The following USP12 variants were observed in gnomAD, a reference collection of about 807,000 sequenced individuals.
The protein encoded by USP12 is ubiquitin specific peptidase 12.
In USP12, 19 loss-of-function variants were observed where a neutral mutation model predicts 45.5. The observed-to-expected ratio is 0.42, with a 90% confidence interval of 0.29 to 0.61. The LOEUF (loss-of-function observed/expected upper bound fraction) is 0.61. Among genes scored for constraint, USP12 ranks in the 20% least tolerant of loss-of-function variants. The pLI, the probability that USP12 is intolerant of heterozygous loss-of-function variation, is 0.22. For synonymous variants in USP12, 149 were observed against 148.8 expected (o/e 1.00, Z -0.01); for missense variants, 242 against 447.7 (o/e 0.54, Z 4.15).
chr13:27,089,862 TC>T lies in USP12; in HGVS notation c.734+20del. The T allele has an allele frequency of 6.2e-7, 1 of 1,603,718 alleles. No individual in the cohort carries two copies. The stretch of plus-strand genomic sequence containing the variant: ...TACAAAAAATAAAATCACTTAAAAA[TC>T]CATAAAGCTCTAAAATTACCGTTTG... On this transcript the variant is annotated intron_variant, in intron 6 of 8. Coordinates refer to ENST00000282344, the MANE Select transcript of USP12 (RefSeq NM_182488.4).
intron 3 of USP12, among the ~76,000 whole-genome samples, chr13:27,099,501 A>T (rs1235399718): frequency 2.0e-5 from 3 of 152,100 alleles, no homozygotes; most frequent in Admixed American, 2.0e-4. Context: ...CATTTCCTGC[A>T]TGTCTAGTCT....
intron 1 of USP12, among the ~76,000 whole-genome samples, chr13:27,131,892 C>T (rs1027297022): frequency 3.9e-5 from 6 of 152,234 alleles, no homozygotes; most frequent in Middle Eastern, 3.4e-3. Context: ...GTCAACAGCT[C>T]TTAATTCTGT....
In USP12 at chr13:27,068,012, T is replaced by C. The variant is rs902764516; in HGVS notation, c.*1271A>G. On this transcript the variant is annotated 3_prime_UTR_variant, in exon 9 of 9. Coordinates refer to ENST00000282344, the MANE Select transcript of USP12 (RefSeq NM_182488.4). ...ACCCTTCCAGTAAGATTTGTAAAGG[T>C]GGGGGGAAGGGAAGGAAGGACTTGT... 6.6e-6 allele frequency: 1 copy of C among 152,032 alleles called. No homozygotes were observed. Among genetic ancestry groups the C allele is most frequent in the Admixed American group, 6.6e-5 (1 of 15,258 alleles). The allele number at this position is 152,032 out of a possible 1,614,324, so 9.4% of individuals were successfully genotyped here. A position where few individuals can be genotyped will look rare whatever the true frequency, so the allele number is the denominator to read the frequency against.
At chr13:27,078,847 T>C (rs781366483) in intron 6 of USP12, among the ~76,000 whole-genome samples, 11 of 152,060 alleles carry the variant, frequency 7.2e-5, no homozygotes, top group Admixed American at 7.2e-4. Flanking sequence ...ACCCTAACTA[T>C]GGACTTAATT....
At chr13:27,149,346 C>G (rs1877463349) in intron 1 of USP12, among the ~76,000 whole-genome samples, 2 of 152,118 alleles carry the variant, frequency 1.3e-5, no homozygotes, top group South Asian at 4.1e-4. Context: ...AAGAAAATTC[C>G]CTCTTGTTAA....
At chr13:27,121,003 T>C (rs1470201937) in intron 1 of USP12, among the ~76,000 whole-genome samples, 3 of 152,102 alleles carry the variant, frequency 2.0e-5, no homozygotes, top group African/African-American at 7.2e-5. Context: ...TTAAATTCTC[T>C]TCTAACAGCT....
At chr13:27,135,331 C>G (rs764526664) in intron 1 of USP12, among the ~76,000 whole-genome samples, 7 of 152,230 alleles carry the variant, frequency 4.6e-5, no homozygotes, top group Non-Finnish European at 8.8e-5. Context: ...TCTCAAATCT[C>G]TATCGTAACA....
intron 2 of USP12, among the ~76,000 whole-genome samples, chr13:27,112,716 T>C (rs2484116): frequency 0.096 from 14,609 of 152,196 alleles, 1,156 homozygotes; most frequent in African/African-American, 0.22. Flanking sequence ...CATCAACCCT[T>C]TGACATCATG....
intron 1 of USP12, among the ~76,000 whole-genome samples, chr13:27,162,247 G>A (rs953305060): frequency 2.6e-5 from 4 of 152,100 alleles, no homozygotes; most frequent in African/African-American, 7.2e-5. Context: ...CCAGTTAAAC[G>A]GCCTACCCAA....
At chr13:27,132,078 G>A (rs766850603) in intron 1 of USP12, among the ~76,000 whole-genome samples, 15 of 152,030 alleles carry the variant, frequency 9.9e-5, no homozygotes, top group African/African-American at 2.2e-4. Context: ...TAAGAAATCC[G>A]GGCTATGAAA....
In USP12 at chr13:27,129,893, G is replaced by A. The variant is rs1876414388; in HGVS notation, c.49-13297C>T. On this transcript the variant is annotated intron_variant, in intron 1 of 8. Transcript: ENST00000282344. The surrounding 1 kb of genome is among the most constrained non-coding windows in gnomAD (Gnocchi z 4.0). ...GCACGGTCACATCCAAAACATACGA[G>A]TGGAGTGACCAACATGAAAAATGGC... Among the ~76,000 whole-genome samples the A allele has an allele frequency of 6.6e-6, 1 of 152,180 alleles. No individual in the cohort carries two copies.
rs142158131 is a variant in USP12, at chr13:27,100,623, G to A, written c.344-4793C>T. Among the ~76,000 whole-genome samples the A allele has an allele frequency of 2.2e-3, 336 of 152,066 alleles. 1 individual carries two copies. The highest frequency in any genetic ancestry group is 7.6e-3 in the African/African-American group (314 of 41,466). Reference sequence around the variant, plus strand: ...CCTGACGTGCATGCACCTCAATCCCGTACAATTCAAGAACCTTTATCTCTC... The same window carrying A: ...CCTGACGTGCATGCACCTCAATCCCATACAATTCAAGAACCTTTATCTCTC... On this transcript the variant is annotated intron_variant, in intron 3 of 8. Transcript: ENST00000282344.
At chr13:27,106,277 T>C (rs1414153824) in intron 2 of USP12, among the ~76,000 whole-genome samples, 1 of 152,082 alleles carries the variant, frequency 6.6e-6, no homozygotes, top group Non-Finnish European at 1.5e-5. Context: ...ACAGTATTCA[T>C]GATGTATTGG....
chr13:27,125,050 T>C (rs1876161915), intron 1 of USP12, among the ~76,000 whole-genome samples: 1 of 152,192 alleles, frequency 6.6e-6, no homozygotes, highest in South Asian at 2.1e-4. Context: ...GTGACACCCA[T>C]TAGTGAGTGG....
rs1411746179 is a variant in USP12, at chr13:27,101,541, G to A, written c.343+4190C>T. On this transcript the variant is annotated intron_variant, in intron 3 of 8. Coordinates refer to ENST00000282344, the MANE Select transcript of USP12 (RefSeq NM_182488.4). Reference sequence around the variant, plus strand: ...AATACAATGGTGAGCAAAAACAAATGGGTTCCCTCCGTCATGGAACTGACA... The same window carrying A: ...AATACAATGGTGAGCAAAAACAAATAGGTTCCCTCCGTCATGGAACTGACA... Among the ~76,000 whole-genome samples the A allele has an allele frequency of 6.6e-5, 10 of 152,216 alleles. No individual in the cohort carries two copies. The East Asian group carries it at 1.9e-3, about 29-fold the overall frequency.
At chr13:27,141,546 A>T (rs1301902049) in intron 1 of USP12, among the ~76,000 whole-genome samples, 1 of 152,192 alleles carries the variant, frequency 6.6e-6, no homozygotes, top group Non-Finnish European at 1.5e-5. Flanking sequence ...AAGAATGATA[A>T]AAACATGACA....
In USP12 at chr13:27,159,181, G is replaced by A. The variant is rs921272575; in HGVS notation, c.48+12411C>T. 3.9e-5 allele frequency among the ~76,000 whole-genome samples: 6 copies of A among 152,040 alleles called. No individual in the cohort carries two copies. In the East Asian group the frequency reaches 1.2e-3, roughly 29 times the overall value. On this transcript the variant is annotated intron_variant, in intron 1 of 8. Transcript: ENST00000282344. ...ATTAAAAGAAACTACCATTTCTAAG[G>A]TAATCAGATATCACATTTTTCTTTA...
intron 1 of USP12, among the ~76,000 whole-genome samples, chr13:27,165,228 A>G (rs1878299873): frequency 6.6e-6 from 1 of 152,188 alleles, no homozygotes; most frequent in African/African-American, 2.4e-5. Flanking sequence ...TAAAAGAAAT[A>G]AATTATTCTA....
At chr13:27,115,994 ACTAT>A (rs1043576983) in intron 2 of USP12, among the ~76,000 whole-genome samples, 7 of 152,188 alleles carry the variant, frequency 4.6e-5, no homozygotes, top group South Asian at 2.1e-4. Flanking sequence ...CAAGTTAGAA[ACTAT>A]CTATCTCCAA....
Sources: allele counts gnomAD v4.1 joint callset (sites outside exome capture counted in the v4.1 genomes callset), GRCh38; gene constraint gnomAD v4.1.1; non-coding constraint Gnocchi (gnomAD v3.1); transcripts MANE v1.5; gene names NCBI Gene and HGNC (gene_info 2026-07-23, HGNC 2026-07-21).